Variants in GTF2B observed in about 807,000 individuals in gnomAD.
The protein encoded by GTF2B is general transcription factor IIB, also known as transcription initiation factor IIB.
Under a neutral mutation model 34.6 loss-of-function variants are expected in GTF2B, and 20 were observed. That is an observed-to-expected ratio of 0.58 (90% CI 0.41 to 0.84). The LOEUF (loss-of-function observed/expected upper bound fraction) is 0.84. Among genes scored for constraint, GTF2B ranks in the 40% least tolerant of loss-of-function variants. The pLI, the probability that GTF2B is intolerant of heterozygous loss-of-function variation, is 0.00. For missense variants in GTF2B, 237 were observed against 393.3 expected (o/e 0.60, Z 3.36); for synonymous variants, 142 against 132.4 (o/e 1.07, Z -0.50).
At chr1:88,878,353 T>C (rs1275983874) in intron 2 of GTF2B, among the ~76,000 whole-genome samples, 1 of 152,180 alleles carries the variant, frequency 6.6e-6, no homozygotes, top group Non-Finnish European at 1.5e-5. Flanking sequence ...GGGCAGCTAA[T>C]ACCAAATCAT....
intron 5 of GTF2B, among the ~76,000 whole-genome samples, chr1:88,858,045 G>T (rs376851664): frequency 2.6e-5 from 4 of 151,392 alleles, no homozygotes; most frequent in Admixed American, 1.3e-4. Flanking sequence ...TCACTCTGTC[G>T]TCCAGACTGG....
chr1:88,871,165 G>A (rs1244031085), intron 2 of GTF2B, among the ~76,000 whole-genome samples: 3 of 152,108 alleles, frequency 2.0e-5, no homozygotes, highest in Non-Finnish European at 4.4e-5. Context: ...GCCTCCCAAA[G>A]TGCTGGGATT....
At chr1:88,862,565 G>C (rs1176802705) in intron 3 of GTF2B, among the ~76,000 whole-genome samples, 1 of 152,020 alleles carries the variant, frequency 6.6e-6, no homozygotes. Context: ...GACTATACAG[G>C]GTTCGGCATG....
rs1673495794 is a variant in GTF2B, at chr1:88,863,966, A to G, written c.258+15T>C. 1.9e-6 allele frequency: 3 copies of G among 1,612,868 alleles called. No homozygotes were observed. The East Asian group carries it at 6.7e-5, about 36-fold the overall frequency. On this transcript the variant is annotated intron_variant, in intron 3 of 6. Coordinates refer to ENST00000370500, the MANE Select transcript of GTF2B (RefSeq NM_001514.6). The stretch of plus-strand genomic sequence containing the variant: ...CACTCTGCAATTGGTATTTCCTGCC[A>G]AATGGACTTATTACCTTGCCAATCA...
Position 88,886,629 on chromosome 1 carries a change from A to G in GTF2B, c.124+632T>C, listed in dbSNP as rs944698291. Among the ~76,000 whole-genome samples, 18 of 152,212 alleles carry G rather than the reference A, an allele frequency of 1.2e-4. 1 individual carries two copies. The highest frequency in any genetic ancestry group is 4.3e-4 in the African/African-American group (18 of 41,466). ...GTTTGATTACATGTATTCATTATTT[A>G]ATATGCATGAGTGTCAGCCCATCTC... On this transcript the variant is annotated intron_variant, in intron 2 of 6. Transcript: ENST00000370500.
At chr1:88,864,450 A>G (rs1477061723) in intron 2 of GTF2B, among the ~76,000 whole-genome samples, 2 of 152,244 alleles carry the variant, frequency 1.3e-5, no homozygotes, top group Non-Finnish European at 1.5e-5. Flanking sequence ...CAAAATTTGC[A>G]ATAGGCATGG....
At position 88,890,157 on chromosome 1, in the gene GTF2B, T is replaced by TAAA. The variant is rs58132302; in HGVS notation, c.17+1323_17+1325dup. Among the ~76,000 whole-genome samples the TAAA allele has an allele frequency of 8.0e-3, 1,132 of 141,334 alleles. 12 individuals carry two copies. Among genetic ancestry groups the TAAA allele is most frequent in the African/African-American group, 0.027 (1,050 of 38,828 alleles). The allele number at this position is 141,334 out of a possible 152,430, so 92.7% of individuals were successfully genotyped here. ...CAGACTTAAAAAGCCATGATAGAAT[T>TAAA]AAAAAAAAAAAAAGCCATGGTAGAA... On this transcript the variant is annotated intron_variant, in intron 1 of 6. Coordinates refer to ENST00000370500, the MANE Select transcript of GTF2B (RefSeq NM_001514.6).
At chr1:88,880,079 A>C (rs572709855) in intron 2 of GTF2B, among the ~76,000 whole-genome samples, 1 of 152,148 alleles carries the variant, frequency 6.6e-6, no homozygotes, top group Non-Finnish European at 1.5e-5. Flanking sequence ...TAAAAAAGAA[A>C]AAGAAAAAGA....
intron 2 of GTF2B, among the ~76,000 whole-genome samples, chr1:88,871,385 G>A (rs1197827282): frequency 6.6e-6 from 1 of 152,156 alleles, no homozygotes; most frequent in Non-Finnish European, 1.5e-5. Context: ...CTTTATGGAA[G>A]CTTCTTACAC....
chr1:88,857,540 T>C lies in GTF2B; in HGVS notation c.536-53A>G, dbSNP rs1673340315. The C allele has an allele frequency of 4.5e-6, 4 of 888,144 alleles. 1 individual carries two copies. In the South Asian group the frequency reaches 6.5e-5, roughly 14 times the overall value. 55.0% of individuals were successfully genotyped at this position (888,144 alleles called of 1,614,324 possible). A position where few individuals can be genotyped will look rare whatever the true frequency, so the allele number is the denominator to read the frequency against. On this transcript the variant is annotated intron_variant, in intron 5 of 6. Transcript: ENST00000370500. ...ATTCACTTAAGCCATATAGTTCATCTTAAAATCTACCATTTCTAATTATAA... is the reference window on the plus strand; with the variant it reads ...ATTCACTTAAGCCATATAGTTCATCCTAAAATCTACCATTTCTAATTATAA...
At chr1:88,883,487 A>G in intron 2 of GTF2B, among the ~76,000 whole-genome samples, 1 of 152,094 alleles carries the variant, frequency 6.6e-6, no homozygotes, top group East Asian at 1.9e-4. Context: ...GATCAAGGCA[A>G]AAAGATCACT....
chr1:88,872,175 C>T (rs895890951), intron 2 of GTF2B, among the ~76,000 whole-genome samples: 33 of 151,656 alleles, frequency 2.2e-4, no homozygotes, highest in Non-Finnish European at 8.8e-5. Flanking sequence ...CTTTTTAGGC[C>T]GGGTGCGGTG....
chr1:88,857,437 T>A lies in GTF2B; in HGVS notation c.586A>T (p.Lys196Ter). ...ISKKEIGRCF[K>*]LILKALETSV... ...GTTTCTAGCGCTTTCAAAATAAGTTTAAAACACCGACCAATTTCTTTCTTA... is the reference window on the plus strand; with the variant it reads ...GTTTCTAGCGCTTTCAAAATAAGTTAAAAACACCGACCAATTTCTTTCTTA... Residue 196 changes from lysine (K) to a stop codon, truncating the protein, a stop_gained, in exon 6 of 7, where the codon AAA (lysine) becomes TAA (stop). Coordinates refer to ENST00000370500, the MANE Select transcript of GTF2B (RefSeq NM_001514.6). LOFTEE classifies it high-confidence loss of function. 1 of 1,606,346 alleles carries A rather than the reference T, an allele frequency of 6.2e-7. No homozygotes were observed. Among genetic ancestry groups the A allele is most frequent in the Non-Finnish European group, 8.5e-7 (1 of 1,173,188 alleles).
intron 2 of GTF2B, among the ~76,000 whole-genome samples, chr1:88,880,185 T>C (rs17130647): frequency 0.029 from 4,466 of 152,324 alleles, 215 homozygotes; most frequent in Admixed American, 0.14. Flanking sequence ...AAAAATTTTA[T>C]GGCAAGCATA....
intron 2 of GTF2B, among the ~76,000 whole-genome samples, chr1:88,869,799 G>C (rs574795443): frequency 6.6e-6 from 1 of 152,064 alleles, no homozygotes; most frequent in South Asian, 2.1e-4. Flanking sequence ...ACTAATTTTT[G>C]TATTTTTAGT....
chr1:88,865,879 T>A (rs1211811876), intron 2 of GTF2B, among the ~76,000 whole-genome samples: 1 of 141,634 alleles, frequency 7.1e-6, no homozygotes, highest in Non-Finnish European at 1.5e-5. Context: ...CAAACAAAAA[T>A]TAATCTCCAT....
intron 2 of GTF2B, 42 bp from the exon 3 acceptor site, chr1:88,864,156 G>A (rs1282412332): frequency 1.2e-6 from 2 of 1,603,486 alleles, no homozygotes; most frequent in Non-Finnish European, 1.7e-6. Flanking sequence ...TGTCAAGATA[G>A]GGTTTACTTA....
At chr1:88,870,088 T>C (rs916600781) in intron 2 of GTF2B, among the ~76,000 whole-genome samples, 12 of 152,008 alleles carry the variant, frequency 7.9e-5, no homozygotes, top group African/African-American at 2.2e-4. Flanking sequence ...CCACCACGCC[T>C]GGCTAATTTT....
chr1:88,889,256 T>A (rs1674141929), intron 1 of GTF2B, among the ~76,000 whole-genome samples: 1 of 152,208 alleles, frequency 6.6e-6, no homozygotes, highest in African/African-American at 2.4e-5. Context: ...TTGGACCATT[T>A]GTATGTGTTA....
Sources: gnomAD v4.1 joint callset for allele counts (sites outside exome capture counted in the v4.1 genomes callset) on GRCh38, gnomAD v4.1.1 for gene constraint, MANE v1.5 for transcripts, NCBI Gene and HGNC (gene_info 2026-07-23, HGNC 2026-07-21) for gene names.